Variants in CTNND2 observed in about 807,000 individuals in gnomAD.
The protein encoded by CTNND2 is catenin delta-2.
Under a neutral mutation model 144.4 loss-of-function variants are expected in CTNND2, and 22 were observed. That is an observed-to-expected ratio of 0.15 (90% confidence interval 0.11 to 0.22). CTNND2 has a LOEUF of 0.22. Ranked by LOEUF, CTNND2 falls within the 10% of genes least tolerant of loss-of-function variation. The pLI, the probability that CTNND2 is intolerant of heterozygous loss-of-function variation, is 1.00. For missense variants in CTNND2, 1,353 were observed against 1,618.8 expected (o/e 0.84, Z 2.82); for synonymous variants, 751 against 695.6 (o/e 1.08, Z -1.25).
chr5:11,188,593 C>T (rs563007429), intron 11 of CTNND2, among the ~76,000 whole-genome samples: 14 of 152,176 alleles, frequency 9.2e-5, no homozygotes, highest in South Asian at 4.2e-4. Flanking sequence ...ATCCTGTACA[C>T]GTACCCTGGA....
At chr5:11,059,315 T>C (rs1214562533) in intron 16 of CTNND2, among the ~76,000 whole-genome samples, 1 of 152,212 alleles carries the variant, frequency 6.6e-6, no homozygotes, top group Non-Finnish European at 1.5e-5. Context: ...GTCTTTCTTG[T>C]TCTGTTCTCA....
At chr5:11,136,418 A>C (rs1756149831) in intron 12 of CTNND2, among the ~76,000 whole-genome samples, 1 of 152,228 alleles carries the variant, frequency 6.6e-6, no homozygotes, top group African/African-American at 2.4e-5. Flanking sequence ...GAGACACGAA[A>C]GAAGATAAAA....
At chr5:11,436,970 G>C (rs1025107494) in intron 3 of CTNND2, among the ~76,000 whole-genome samples, 1 of 152,098 alleles carries the variant, frequency 6.6e-6, no homozygotes, top group Non-Finnish European at 1.5e-5. Context: ...ATCTAAGTAT[G>C]CTAAAGACAT....
At chr5:11,709,422 A>G (rs1310345661) in intron 2 of CTNND2, among the ~76,000 whole-genome samples, 1 of 152,242 alleles carries the variant, frequency 6.6e-6, no homozygotes, top group Non-Finnish European at 1.5e-5. Context: ...CTATACTGTG[A>G]CATGGGTGTG....
rs953155576 is a variant in CTNND2 at position 11,864,331 on chromosome 5, T to C, written c.37+39486A>G. Among the ~76,000 whole-genome samples, 8 of 152,212 alleles carry C rather than the reference T, an allele frequency of 5.3e-5. 1 individual carries two copies. The highest frequency in any genetic ancestry group is 1.9e-4 in the African/African-American group (8 of 41,458). The stretch of plus-strand genomic sequence containing the variant: ...GCCAGTATTTAGTAGAAATCATTAT[T>C]GTACTACTTAGAAATGTGGATGCCA... On this transcript the variant is annotated intron_variant, in intron 1 of 21. Coordinates refer to ENST00000304623, the MANE Select transcript of CTNND2 (RefSeq NM_001332.4).
At chr5:11,479,003 T>A (rs1205150167) in intron 3 of CTNND2, among the ~76,000 whole-genome samples, 1 of 152,008 alleles carries the variant, frequency 6.6e-6, no homozygotes, top group Non-Finnish European at 1.5e-5. Flanking sequence ...TAATTTAACT[T>A]AAAAAAAATT....
chr5:11,752,035 T>C (rs1266083997), intron 1 of CTNND2, among the ~76,000 whole-genome samples: 2 of 151,768 alleles, frequency 1.3e-5, no homozygotes, highest in African/African-American at 4.8e-5. Flanking sequence ...TGTTCATGTC[T>C]TTGGGCCACA....
intron 1 of CTNND2, among the ~76,000 whole-genome samples, chr5:11,812,866 G>T (rs986309363): frequency 1.3e-5 from 2 of 152,018 alleles, no homozygotes; most frequent in African/African-American, 4.8e-5. Context: ...AGCCCACAAT[G>T]CCAGGACACG....
At chr5:11,711,565 C>T (rs1786035840) in intron 2 of CTNND2, among the ~76,000 whole-genome samples, 1 of 152,114 alleles carries the variant, frequency 6.6e-6, no homozygotes, top group South Asian at 2.1e-4. Flanking sequence ...GTTATTACTA[C>T]ATGTTATGAA....
At chr5:11,262,630 C>T (rs184363655) in intron 9 of CTNND2, among the ~76,000 whole-genome samples, 78 of 151,376 alleles carry the variant, frequency 5.2e-4, no homozygotes, top group Admixed American at 3.1e-3. Flanking sequence ...GGCGTGGTGG[C>T]GGGCACCTGT....
chr5:11,677,816 A>G (rs747285035), intron 2 of CTNND2, among the ~76,000 whole-genome samples: 1 of 152,196 alleles, frequency 6.6e-6, no homozygotes, highest in Admixed American at 6.5e-5. Context: ...CTTGTCCAAT[A>G]TCATTACCAA....
At chr5:11,452,479 T>TC (rs1218521512) in intron 3 of CTNND2, among the ~76,000 whole-genome samples, 1 of 152,202 alleles carries the variant, frequency 6.6e-6, no homozygotes, top group Non-Finnish European at 1.5e-5. Flanking sequence ...GTAAAAGTGC[T>TC]CCTTCCTCCC....
In CTNND2 at chr5:11,159,706, C is replaced by T; in HGVS notation, c.2029G>A (p.Asp677Asn). ...CDALKMPIIQ[D>N]ALAVLTNAVI... ...GCGTTGGTCAGTACTGCTAGGGCATCCTGGATGATTGGCATTTTGAGTGCA... is the reference window on the plus strand; with the variant it reads ...GCGTTGGTCAGTACTGCTAGGGCATTCTGGATGATTGGCATTTTGAGTGCA... Residue 677 changes from aspartate (D) to asparagine (N), a missense_variant, in exon 12 of 22, where the codon GAT becomes AAT. Around this residue, in one of 4 missense-constraint regions of CTNND2, gnomAD observed 117 missense variants for 117.8 expected, o/e 0.99. Transcript: ENST00000304623. 6.2e-7 allele frequency: 1 copy of T among 1,610,266 alleles called. No individual in the cohort carries two copies. Among genetic ancestry groups the T allele is most frequent in the Non-Finnish European group, 8.5e-7 (1 of 1,178,350 alleles).
At chr5:11,240,432 A>T (rs1249303580) in intron 9 of CTNND2, among the ~76,000 whole-genome samples, 5 of 101,752 alleles carry the variant, frequency 4.9e-5, no homozygotes, top group African/African-American at 2.0e-4. Flanking sequence ...ACACACACTC[A>T]CACACACCCA....
At chr5:11,182,801 A>G (rs184589418) in intron 11 of CTNND2, among the ~76,000 whole-genome samples, 11 of 152,334 alleles carry the variant, frequency 7.2e-5, no homozygotes, top group Admixed American at 6.5e-4. Flanking sequence ...ATTTGCATAG[A>G]TATAGCTGTT....
chr5:11,184,388 G>C (rs2149805272), intron 11 of CTNND2, among the ~76,000 whole-genome samples: 1 of 152,260 alleles, frequency 6.6e-6, no homozygotes, highest in African/African-American at 2.4e-5. Flanking sequence ...TTTGTGAACA[G>C]AGCAGGTATG....
chr5:10,992,695 C>T lies in CTNND2; in HGVS notation c.3085-18G>A. On this transcript the variant is annotated intron_variant, in intron 18 of 21. Coordinates refer to ENST00000304623, the MANE Select transcript of CTNND2 (RefSeq NM_001332.4). ...CATCCATCCTGCAAAACACAGCACGCTCCTGTTAGATGGGCAAGACAGAGT... is the reference window on the plus strand; with the variant it reads ...CATCCATCCTGCAAAACACAGCACGTTCCTGTTAGATGGGCAAGACAGAGT... 6 of 1,612,580 alleles carry T rather than the reference C, an allele frequency of 3.7e-6. No individual in the cohort carries two copies. The highest frequency in any genetic ancestry group is 5.1e-6 in the Non-Finnish European group (6 of 1,179,440).
At position 11,017,840 on chromosome 5, in the gene CTNND2, G is replaced by A. The variant is rs2302179; in HGVS notation, c.3084+134C>T. 211,739 of 676,144 alleles carry A rather than the reference G, an allele frequency of 0.31. 39,478 individuals carry two copies. Among genetic ancestry groups the A allele is most frequent in the African/African-American group, 0.64 (35,955 of 55,962 alleles). 41.9% of individuals were successfully genotyped at this position (676,144 alleles called of 1,614,324 possible). On this transcript the variant is annotated intron_variant, in intron 18 of 21. Coordinates refer to ENST00000304623, the MANE Select transcript of CTNND2 (RefSeq NM_001332.4). Reference sequence around the variant, plus strand: ...CAGGGGACACATTGCCTCTTTTCTGGCTTCTTCACTGATTCTCGTTTCAGT... The same window carrying A: ...CAGGGGACACATTGCCTCTTTTCTGACTTCTTCACTGATTCTCGTTTCAGT...
Position 11,018,036 on chromosome 5 carries a change from C to G in CTNND2, c.3022G>C (p.Ala1008Pro). 1.2e-6 allele frequency: 2 copies of G among 1,613,346 alleles called. No individual in the cohort carries two copies. Among genetic ancestry groups the G allele is most frequent in the Non-Finnish European group, 8.5e-7 (1 of 1,179,420 alleles). ...GDKHSPKVVK[A>P]ASQVLNSMWQ... ...ATGCTGTTGAGGACCTGAGATGCAG[C>G]CTTGACCACTTTTGGAGAGTGTCTG... The change falls in exon 18 of 22, where the codon GCT becomes CCT. Residue 1008 changes from alanine to proline, a missense_variant. This residue lies in a region of CTNND2 where 459 missense variants were observed against 674.3 expected (regional missense o/e 0.68). Coordinates refer to ENST00000304623, the MANE Select transcript of CTNND2 (RefSeq NM_001332.4).
Sources: gnomAD v4.1 joint callset for allele counts (sites outside exome capture counted in the v4.1 genomes callset) on GRCh38, gnomAD v4.1.1 for gene constraint, gnomAD v4.1.1 regional missense constraint, MANE v1.5 for transcripts, NCBI Gene and HGNC (gene_info 2026-07-23, HGNC 2026-07-21) for gene names.